Variants in CNBD1 observed in about 807,000 individuals in gnomAD.
CNBD1 encodes cyclic nucleotide binding domain containing 1.
In CNBD1, 71 loss-of-function variants were observed where a neutral mutation model predicts 54.4. That is an observed-to-expected ratio of 1.30 (90% CI 1.08 to 1.59). The LOEUF is 1.59. CNBD1 is among the 40% of genes most tolerant of loss of function. The pLI, the probability that CNBD1 is intolerant of heterozygous loss-of-function variation, is 0.00. For synonymous variants in CNBD1, 182 were observed against 170.7 expected (o/e 1.07, Z -0.51); for missense variants, 659 against 518.0 (o/e 1.27, Z -2.64).
chr8:87,419,109 A>G (rs1459045076), intron 2 of CNBD1, among the ~76,000 whole-genome samples: 1 of 151,676 alleles, frequency 6.6e-6, no homozygotes, highest in Non-Finnish European at 1.5e-5. Flanking sequence ...GTATATATAT[A>G]TTCATTCATA....
intron 6 of CNBD1, among the ~76,000 whole-genome samples, chr8:87,239,684 A>C (rs546017369): frequency 1.6e-4 from 25 of 152,288 alleles, no homozygotes; most frequent in African/African-American, 6.0e-4. Flanking sequence ...CCAAGGATCA[A>C]ATTTATTTCT....
intron 5 of CNBD1, among the ~76,000 whole-genome samples, chr8:87,221,483 T>A (rs1814338247): frequency 6.6e-6 from 1 of 152,108 alleles, no homozygotes; most frequent in African/African-American, 2.4e-5. Flanking sequence ...TATACAAATA[T>A]TTTTCCTTCC....
intron 4 of CNBD1, among the ~76,000 whole-genome samples, chr8:87,178,714 G>A (rs992889823): frequency 3.9e-5 from 6 of 152,164 alleles, no homozygotes; most frequent in African/African-American, 1.4e-4. Flanking sequence ...ATTGAACTAG[G>A]CTTGTAATAG....
In CNBD1 at chr8:87,163,738, T is replaced by C. The variant is rs888871633; in HGVS notation, c.432-42255T>C. Reference sequence around the variant, plus strand: ...GCGTCTTTAGGGTTTTTTTTAAATATAAGATTATGTCATCTGCAAAAAGAT... The same window carrying C: ...GCGTCTTTAGGGTTTTTTTTAAATACAAGATTATGTCATCTGCAAAAAGAT... On this transcript the variant is annotated intron_variant, in intron 4 of 10. Coordinates refer to ENST00000518476, the MANE Select transcript of CNBD1 (RefSeq NM_173538.3). This position sits in a 1 kb window ranked among gnomAD's most constrained non-coding sequence, Gnocchi z 4.5. Among the ~76,000 whole-genome samples, 1 of 151,890 alleles carries C rather than the reference T, an allele frequency of 6.6e-6. No homozygotes were observed. Among genetic ancestry groups the C allele is most frequent in the African/African-American group, 2.4e-5 (1 of 41,432 alleles).
rs116133489 is a variant in CNBD1 at position 87,196,651 on chromosome 8, G to A, written c.432-9342G>A. Among the ~76,000 whole-genome samples, 578 of 152,234 alleles carry A rather than the reference G, an allele frequency of 3.8e-3. 2 individuals are homozygous for A. Among genetic ancestry groups the A allele is most frequent in the African/African-American group, 0.013 (555 of 41,538 alleles). ...AGTGGATGTCAGCACAGATGCCAAA[G>A]GCTATACATGATAATTACAGCTCAG... is the stretch of plus-strand genomic sequence containing the variant. On this transcript the variant is annotated intron_variant, in intron 4 of 10. Coordinates refer to ENST00000518476, the MANE Select transcript of CNBD1 (RefSeq NM_173538.3).
intron 10 of CNBD1, among the ~76,000 whole-genome samples, chr8:87,358,369 A>G (rs1341778893): frequency 2.6e-5 from 4 of 152,190 alleles, no homozygotes; most frequent in Non-Finnish European, 5.9e-5. Context: ...ACCTCCCTCA[A>G]GGTAAACATT....
chr8:87,347,562 C>A (rs1810199241), intron 8 of CNBD1, among the ~76,000 whole-genome samples: 1 of 151,480 alleles, frequency 6.6e-6, no homozygotes, highest in Non-Finnish European at 1.5e-5. Context: ...GGGATAGCAA[C>A]AGAGAAGGAT....
intron 3 of CNBD1, among the ~76,000 whole-genome samples, 173 bp downstream of exon 3, chr8:86,905,367 T>C (rs1478188875): frequency 6.6e-6 from 1 of 152,190 alleles, no homozygotes; most frequent in African/African-American, 2.4e-5. Flanking sequence ...GTAAATTCAA[T>C]TTTTGTTCAG....
intron 8 of CNBD1, among the ~76,000 whole-genome samples, chr8:87,327,481 A>G (rs891472130): frequency 6.6e-6 from 1 of 152,128 alleles, no homozygotes; most frequent in African/African-American, 2.4e-5. Flanking sequence ...GATACTCCGA[A>G]CCAGGTGTGG....
chr8:87,131,477 T>C (rs2130726905), intron 4 of CNBD1, among the ~76,000 whole-genome samples: 1 of 152,240 alleles, frequency 6.6e-6, no homozygotes, highest in Non-Finnish European at 1.5e-5. Context: ...ATCATTGTCA[T>C]ATATAGTACA....
intron 4 of CNBD1, among the ~76,000 whole-genome samples, chr8:87,097,283 A>T (rs1811339991): frequency 6.6e-6 from 1 of 152,182 alleles, no homozygotes; most frequent in African/African-American, 2.4e-5. Flanking sequence ...TGGTTTCAAA[A>T]ATGAATCTAA....
intron 8 of CNBD1, among the ~76,000 whole-genome samples, chr8:87,295,621 C>A (rs1808863683): frequency 1.3e-5 from 2 of 152,030 alleles, no homozygotes; most frequent in South Asian, 2.1e-4. Context: ...TTATAGAGCT[C>A]TTTTCTCTAC....
chr8:87,326,077 G>A (rs1478979655), intron 8 of CNBD1, among the ~76,000 whole-genome samples: 3,329 of 124,502 alleles, frequency 0.027, 45 homozygotes, highest in Non-Finnish European at 0.036. Context: ...TAGTTTGGCT[G>A]GATATGAAAT....
At chr8:86,972,279 A>AATAATT (rs1341589472) in intron 4 of CNBD1, among the ~76,000 whole-genome samples, 18 of 152,266 alleles carry the variant, frequency 1.2e-4, no homozygotes, top group Middle Eastern at 3.4e-3. Flanking sequence ...CATAGTATTA[A>AATAATT]ATAATTATGA....
chr8:87,086,184 C>T (rs1811092046), intron 4 of CNBD1, among the ~76,000 whole-genome samples: 1 of 152,192 alleles, frequency 6.6e-6, no homozygotes, highest in African/African-American at 2.4e-5. Flanking sequence ...CTAGCTCACA[C>T]TCATCCCCTT....
Position 87,206,125 on chromosome 8 carries a change from GA to G in CNBD1, c.567del (p.Gly190AlafsTer12). 6.3e-7 allele frequency: 1 copy of G among 1,588,776 alleles called. No individual in the cohort carries two copies. Among genetic ancestry groups the G allele is most frequent in the Non-Finnish European group, 8.5e-7 (1 of 1,169,606 alleles). On this transcript the variant is annotated frameshift_variant, in exon 5 of 11. Transcript: ENST00000518476. LOFTEE classifies it high-confidence loss of function. ...AGACTGTCTTTTCCGAAACCTGGTT[GA>G]AAGGCAGCACAGGTAATAGACTAAT... is the stretch of plus-strand genomic sequence containing the variant. Reference protein sequence around the residue: ...SKTVFSETWLKGSTVVANDGF... With the variant: ...SKTVFSETWLXGSTVVANDGF...
At chr8:86,991,830 T>C (rs982654035) in intron 4 of CNBD1, among the ~76,000 whole-genome samples, 2 of 152,174 alleles carry the variant, frequency 1.3e-5, no homozygotes, top group Non-Finnish European at 2.9e-5. Flanking sequence ...TTTTGAGAGA[T>C]CTTCTTGATA....
At chr8:87,390,003 TTC>T (rs1811274934) in intron 2 of CNBD1, among the ~76,000 whole-genome samples, 1 of 134,576 alleles carries the variant, frequency 7.4e-6, no homozygotes. Context: ...GGGGAAAGGA[TTC>T]CCTATTTAAT....
At chr8:87,381,130 C>T (rs10094912) in intron 10 of CNBD1, among the ~76,000 whole-genome samples, 56,335 of 151,688 alleles carry the variant, frequency 0.37, 10,794 homozygotes, top group Middle Eastern at 0.45. Context: ...ATTTGCAAAC[C>T]GTGCAACTGA....
Sources: gnomAD v4.1 joint callset for allele counts (sites outside exome capture counted in the v4.1 genomes callset) on GRCh38, gnomAD v4.1.1 for gene constraint, Gnocchi (gnomAD v3.1) non-coding constraint, MANE v1.5 for transcripts, NCBI Gene and HGNC (gene_info 2026-07-23, HGNC 2026-07-21) for gene names.